Variants in CCNB3 observed in about 807,000 individuals in gnomAD.
The protein encoded by CCNB3 is G2/mitotic-specific cyclin-B3.
In CCNB3, 12 loss-of-function variants were observed where a neutral mutation model predicts 68.0. The ratio of observed to expected loss-of-function variants is 0.18; its 90% CI spans 0.11 to 0.29. The LOEUF is 0.29. Among genes scored for constraint, CCNB3 ranks in the 10% least tolerant of loss-of-function variants. The probability of loss-of-function intolerance (pLI) is 1.00; values close to 1 mark genes in which losing one functional copy is unlikely to be tolerated. For synonymous variants in CCNB3, 354 were observed against 388.9 expected (o/e 0.91, Z 1.06); for missense variants, 904 against 993.1 (o/e 0.91, Z 1.21).
intron 1 of CCNB3, among the ~76,000 whole-genome samples, chrX:50,228,642 A>T: frequency 1.2e-5 from 1 of 83,698 alleles, no homozygotes; most frequent in African/African-American, 4.4e-5. Context: ...TACATATAGA[A>T]TATATATAGA....
chrX:50,308,315 T>C (rs150677828), intron 5 of CCNB3, among the ~76,000 whole-genome samples, 190 bp from the exon 6 acceptor site: 1 of 112,211 alleles, frequency 8.9e-6, no homozygotes, highest in Non-Finnish European at 1.9e-5. Context: ...ATCTAGGCCA[T>C]AGAAACTATA....
At chrX:50,284,714 A>G (rs1346572366) in intron 2 of CCNB3, 98 bp downstream of exon 2, 3 of 140,811 alleles carry the variant, frequency 2.1e-5, no homozygotes, top group East Asian at 1.6e-4. Context: ...CCTCCATACT[A>G]TATGAGCTGT....
chrX:50,331,852 CT>C (rs1417696515), intron 8 of CCNB3, among the ~76,000 whole-genome samples: 1 of 111,292 alleles, frequency 9.0e-6, no homozygotes, highest in African/African-American at 3.3e-5. Context: ...ACACGCTCCC[CT>C]TTTTTCCAGC....
At position 50,309,339 on chromosome X, in the gene CCNB3, G is replaced by A; in HGVS notation, c.1170G>A (p.Met390Ile). The A allele has an allele frequency of 8.3e-7, 1 of 1,211,404 alleles. No individual in the cohort carries two copies. Among genetic ancestry groups the A allele is most frequent in the Non-Finnish European group, 1.1e-6 (1 of 895,143 alleles). The stretch of plus-strand genomic sequence containing the variant: ...CAGTAATATTGAAGGAGCAGTGCAT[G>A]ACTGAGGGGAAGAGGTCCCGTCTGA... ...MMPVILKEQC[M>I]TEGKRSRLKP... is the part of the protein sequence containing the mutation. The change falls in exon 6 of 13, where the codon ATG becomes ATA. Residue 390 changes from methionine (M) to isoleucine (I), a missense_variant. Met to Ile is a conservative substitution (Grantham distance 10). Around this residue, in one of 2 missense-constraint regions of CCNB3, gnomAD observed 619 missense variants for 609.8 expected, o/e 1.02. Coordinates refer to ENST00000376042, the MANE Select transcript of CCNB3 (RefSeq NM_033031.3).
intron 1 of CCNB3, among the ~76,000 whole-genome samples, chrX:50,279,602 G>GAATATGTACTTTCATCTATGTAAA (rs1936056893): frequency 1.2e-5 from 1 of 86,087 alleles, no homozygotes; most frequent in African/African-American, 4.3e-5. Context: ...ATATGTAAAT[G>GAATATGTACTTTCATCTATGTAAA]TATATGCATA....
intron 1 of CCNB3, among the ~76,000 whole-genome samples, chrX:50,224,482 T>TA (rs1935723595): frequency 1.8e-5 from 2 of 111,466 alleles, no homozygotes; most frequent in African/African-American, 6.5e-5. Context: ...AAGGGAAAAA[T>TA]ACGTTTAAAC....
At chrX:50,350,248 T>TACACACACACACACACACACACAC (rs35500925) in intron 11 of CCNB3, among the ~76,000 whole-genome samples, 5 of 95,226 alleles carry the variant, frequency 5.3e-5, no homozygotes, top group African/African-American at 1.5e-4. Flanking sequence ...CATACACAAA[T>TACACACACACACACACACACACAC]ACACACACAC....
Position 50,310,433 on chromosome X carries a change from C to A in CCNB3, c.2264C>A (p.Ser755Tyr), listed in dbSNP as rs782197593. ...TTATCTTTAAAGAAGAAGTCCACTTCTCATGGAAAAGTGTTCTTCCTGAAG... is the reference window on the plus strand; with the variant it reads ...TTATCTTTAAAGAAGAAGTCCACTTATCATGGAAAAGTGTTCTTCCTGAAG... ...TQLSLKKKST[S>Y]HGKVFFLKKQ... Residue 755 changes from serine (S) to tyrosine (Y), a missense_variant, in exon 6 of 13, where the codon TCT becomes TAT. Transcript: ENST00000376042. The A allele has an allele frequency of 2.5e-6, 3 of 1,209,471 alleles. No individual in the cohort carries two copies. In the African/African-American group the frequency reaches 5.2e-5, roughly 21 times the overall value.
Position 50,351,271 on chromosome X carries a change from A to G in CCNB3, c.3991A>G (p.Ser1331Gly). Residue 1331 changes from serine to glycine, a missense_variant, in exon 12 of 13, where the codon AGT becomes GGT. By Grantham distance (56) the Ser-to-Gly change is moderately conservative. Transcript: ENST00000376042. Reference protein sequence around the residue: ...VPFLEHYSGYSISELHPLVRQ... With the variant: ...VPFLEHYSGYGISELHPLVRQ... Reference sequence around the variant, plus strand: ...CTTCCTGGAGCATTACAGTGGCTACAGTATCTCTGAGCTTCACCCCTTGGT... The same window carrying G: ...CTTCCTGGAGCATTACAGTGGCTACGGTATCTCTGAGCTTCACCCCTTGGT... The G allele has an allele frequency of 8.3e-7, 1 of 1,210,883 alleles. No homozygotes were observed. Among genetic ancestry groups the G allele is most frequent in the Non-Finnish European group, 1.1e-6 (1 of 894,722 alleles).
intron 9 of CCNB3, among the ~76,000 whole-genome samples, chrX:50,345,305 T>C: frequency 9.2e-6 from 1 of 108,349 alleles, no homozygotes; most frequent in Non-Finnish European, 1.9e-5. Flanking sequence ...GTTTCCTCTC[T>C]CCCTCCCTCA....
At chrX:50,228,837 A>G (rs1260625245) in intron 1 of CCNB3, among the ~76,000 whole-genome samples, 48 of 74,844 alleles carry the variant, frequency 6.4e-4, no homozygotes, top group African/African-American at 2.6e-3. Context: ...TATATAGAAT[A>G]CATATATAGA....
At chrX:50,227,025 A>G (rs1454460658) in intron 1 of CCNB3, among the ~76,000 whole-genome samples, 38 of 79,734 alleles carry the variant, frequency 4.8e-4, no homozygotes, top group Non-Finnish European at 7.3e-4. Flanking sequence ...TAAAATATAT[A>G]TACAAATATA....
intron 9 of CCNB3, among the ~76,000 whole-genome samples, chrX:50,343,698 C>G (rs1414092245): frequency 4.5e-5 from 5 of 111,118 alleles, no homozygotes; most frequent in Non-Finnish European, 7.5e-5. Context: ...AGAACAAGAC[C>G]CTGTCTCAAA....
chrX:50,309,656 C>T lies in CCNB3; in HGVS notation c.1487C>T (p.Ala496Val), dbSNP rs782076860. Residue 496 changes from alanine to valine, a missense_variant, in exon 6 of 13, where the codon GCC (alanine) becomes GTC (valine). Physicochemically the swap from Ala to Val is moderately conservative, Grantham distance 64. This residue lies in a region of CCNB3 where 619 missense variants were observed against 609.8 expected (regional missense o/e 1.02). Transcript: ENST00000376042. ...CCTTTAATTTTAAAGAGGAAGCATG[C>T]CACTCAGGGGACAATGTCCCACTTG... ...KKPLILKRKH[A>V]TQGTMSHLKK... is the part of the protein sequence containing the mutation. 8.3e-7 allele frequency: 1 copy of T among 1,210,266 alleles called. No homozygotes were observed. The highest frequency in any genetic ancestry group is 1.1e-6 in the Non-Finnish European group (1 of 894,958).
intron 11 of CCNB3, among the ~76,000 whole-genome samples, chrX:50,348,929 G>T (rs782767486): frequency 8.9e-6 from 1 of 112,705 alleles, no homozygotes; most frequent in African/African-American, 3.2e-5. Flanking sequence ...CCGTGAGGGG[G>T]ACAGCTGATG....
intron 3 of CCNB3, among the ~76,000 whole-genome samples, chrX:50,287,916 G>A (rs1210802867): frequency 9.1e-6 from 1 of 109,753 alleles, no homozygotes; most frequent in East Asian, 2.8e-4. Flanking sequence ...TCCACCTCCT[G>A]TCAGATCAGC....
intron 5 of CCNB3, 27 bp downstream of exon 5, chrX:50,295,020 T>C: frequency 1.7e-6 from 2 of 1,181,054 alleles, no homozygotes; most frequent in Non-Finnish European, 2.3e-6. Context: ...TCAGATGGCA[T>C]TATTTTAGAT....
chrX:50,226,849 A>G lies in CCNB3; in HGVS notation c.-113+21899A>G, dbSNP rs1345738262. 1.6e-4 allele frequency among the ~76,000 whole-genome samples: 12 copies of G among 75,948 alleles called. 1 individual carries two copies. The highest frequency in any genetic ancestry group is 6.2e-4 in the African/African-American group (11 of 17,835). 66.0% of individuals were successfully genotyped at this position (75,948 alleles called of 115,157 possible). On this transcript the variant is annotated intron_variant, in intron 1 of 12. Transcript: ENST00000376042. ...ATACATGAATATATATAGTATATATATAGAATATATATAGAATATATAGAA... is the reference window on the plus strand; with the variant it reads ...ATACATGAATATATATAGTATATATGTAGAATATATATAGAATATATAGAA...
chrX:50,226,862 A>G lies in CCNB3; in HGVS notation c.-113+21912A>G, dbSNP rs1421115375. On this transcript the variant is annotated intron_variant, in intron 1 of 12. Coordinates refer to ENST00000376042, the MANE Select transcript of CCNB3 (RefSeq NM_033031.3). ...TATAGTATATATATAGAATATATAT[A>G]GAATATATAGAATATATATAGAATA... is the stretch of plus-strand genomic sequence containing the variant. Among the ~76,000 whole-genome samples, 426 of 71,962 alleles carry G rather than the reference A, an allele frequency of 5.9e-3. 12 individuals carry two copies. The highest frequency in any genetic ancestry group is 0.028 in the African/African-American group (400 of 14,528). The allele number at this position is 71,962 out of a possible 115,157, so 62.5% of individuals were successfully genotyped here.
Sources: gnomAD v4.1 joint callset for allele counts (sites outside exome capture counted in the v4.1 genomes callset) on GRCh38, gnomAD v4.1.1 for gene constraint, gnomAD v4.1.1 regional missense constraint, MANE v1.5 for transcripts, NCBI Gene and HGNC (gene_info 2026-07-23, HGNC 2026-07-21) for gene names.